Variants in TIAM1 observed in about 807,000 individuals in gnomAD.
TIAM1 encodes rho guanine nucleotide exchange factor TIAM1.
TIAM1 carries 65 observed loss-of-function variants against 163.5 expected under a neutral mutation model. The ratio of observed to expected loss-of-function variants is 0.40; its 90% CI spans 0.33 to 0.49. The LOEUF is 0.49. Among genes scored for constraint, TIAM1 ranks in the 20% least tolerant of loss-of-function variants. TIAM1 has a pLI of 0.77. For synonymous variants in TIAM1, 833 were observed against 810.1 expected (o/e 1.03, Z -0.48); for missense variants, 1,789 against 2,044.7 (o/e 0.87, Z 2.41).
intron 2 of TIAM1, among the ~76,000 whole-genome samples, chr21:31,385,685 G>A (rs375550659): frequency 6.8e-6 from 1 of 146,058 alleles, no homozygotes; most frequent in East Asian, 2.0e-4. Context: ...GCATCAATTT[G>A]TGCTTTAAAA....
At chr21:31,491,070 G>A (rs1320359942) in intron 1 of TIAM1, among the ~76,000 whole-genome samples, 1 of 152,228 alleles carries the variant, frequency 6.6e-6, no homozygotes, top group Non-Finnish European at 1.5e-5. Context: ...GTCGGAGGTT[G>A]CCGTGAGCCG....
At chr21:31,423,700 T>TAAAAAAAAAAA (rs200137644) in intron 2 of TIAM1, among the ~76,000 whole-genome samples, 1 of 48,224 alleles carries the variant, frequency 2.1e-5, no homozygotes, top group African/African-American at 8.3e-5. Context: ...TAGAAAGTTG[T>TAAAAAAAAAAA]AAAAAAAAAA....
chr21:31,448,433 C>T (rs1245766929), intron 2 of TIAM1, among the ~76,000 whole-genome samples: 1 of 152,020 alleles, frequency 6.6e-6, no homozygotes, highest in Admixed American at 6.6e-5. Context: ...GGCAAAACCC[C>T]ATCTCTATTA....
At chr21:31,380,399 T>C (rs1245647261) in intron 2 of TIAM1, among the ~76,000 whole-genome samples, 1 of 152,068 alleles carries the variant, frequency 6.6e-6, no homozygotes, top group African/African-American at 2.4e-5. Context: ...CAAAGTTAGC[T>C]GGGTGTGGTG....
intron 17 of TIAM1, 54 bp from the exon 18 acceptor site, chr21:31,153,188 C>T: frequency 1.4e-6 from 2 of 1,418,358 alleles, no homozygotes; most frequent in Non-Finnish European, 2.0e-6. Context: ...TTTATATACC[C>T]TAGAACTTAA....
chr21:31,281,613 T>C (rs368054469), intron 2 of TIAM1, among the ~76,000 whole-genome samples: 3 of 152,316 alleles, frequency 2.0e-5, no homozygotes, highest in East Asian at 3.9e-4. Flanking sequence ...CAGTCATACT[T>C]AGACCCCAAA....
intron 2 of TIAM1, among the ~76,000 whole-genome samples, chr21:31,425,413 T>G (rs1190083139): frequency 1.3e-5 from 2 of 152,070 alleles, no homozygotes; most frequent in African/African-American, 4.8e-5. Flanking sequence ...AAGAGGTAAA[T>G]GGATGGCAGC....
intron 6 of TIAM1, among the ~76,000 whole-genome samples, chr21:31,240,594 T>C (rs1390723144): frequency 2.0e-5 from 3 of 152,170 alleles, no homozygotes. Context: ...CTAAGCGACC[T>C]GTCTAGCAGG....
intron 2 of TIAM1, among the ~76,000 whole-genome samples, chr21:31,447,044 C>T (rs528397554): frequency 2.7e-4 from 41 of 152,160 alleles, no homozygotes; most frequent in Middle Eastern, 6.8e-3. Flanking sequence ...ACAATTATTA[C>T]GGCCATTGTG....
At chr21:31,171,665 T>C (rs771128789) in intron 15 of TIAM1, among the ~76,000 whole-genome samples, 1 of 152,220 alleles carries the variant, frequency 6.6e-6, no homozygotes, top group Non-Finnish European at 1.5e-5. Flanking sequence ...CAGTGATTAT[T>C]TCTTTCATCT....
At chr21:31,373,913 C>T (rs2076642533) in intron 2 of TIAM1, among the ~76,000 whole-genome samples, 1 of 152,092 alleles carries the variant, frequency 6.6e-6, no homozygotes, top group Non-Finnish European at 1.5e-5. Flanking sequence ...CTCAAAGCTG[C>T]CATCACCTAC....
At chr21:31,237,585 T>C (rs751643196) in intron 6 of TIAM1, among the ~76,000 whole-genome samples, 1 of 152,228 alleles carries the variant, frequency 6.6e-6, no homozygotes, top group Non-Finnish European at 1.5e-5. Context: ...TAATGGCATA[T>C]GAGTCTTTTA....
At chr21:31,371,631 T>C (rs994450973) in intron 2 of TIAM1, among the ~76,000 whole-genome samples, 1 of 152,202 alleles carries the variant, frequency 6.6e-6, no homozygotes, top group Non-Finnish European at 1.5e-5. Context: ...AACTAAGGGT[T>C]GAACCACTTG....
intron 1 of TIAM1, among the ~76,000 whole-genome samples, chr21:31,521,943 C>T (rs1275094346): frequency 3.9e-5 from 6 of 152,068 alleles, no homozygotes; most frequent in Admixed American, 3.3e-4. Context: ...GCCATCTCGG[C>T]TCACTGCAAG....
At chr21:31,204,418 T>C (rs967961478) in intron 11 of TIAM1, among the ~76,000 whole-genome samples, 1 of 152,198 alleles carries the variant, frequency 6.6e-6, no homozygotes, top group African/African-American at 2.4e-5. Context: ...ACAAAATAAA[T>C]ATAAAACCTC....
At chr21:31,125,031 G>C (rs1251783688) in intron 26 of TIAM1, among the ~76,000 whole-genome samples, 1 of 152,038 alleles carries the variant, frequency 6.6e-6, no homozygotes, top group African/African-American at 2.4e-5. Context: ...AAATGTTTTT[G>C]AGGGCAAATG....
At chr21:31,151,631 T>C (rs1299495686) in intron 19 of TIAM1, among the ~76,000 whole-genome samples, 2 of 152,146 alleles carry the variant, frequency 1.3e-5, no homozygotes, top group Non-Finnish European at 2.9e-5. Context: ...AATGATTATG[T>C]GCATTGTCCT....
intron 2 of TIAM1, among the ~76,000 whole-genome samples, chr21:31,338,688 G>A (rs1340494070): frequency 1.3e-5 from 2 of 152,138 alleles, no homozygotes; most frequent in African/African-American, 2.4e-5. Context: ...AGTTAACTGC[G>A]AACGTTGCAC....
intron 12 of TIAM1, 145 bp from the exon 13 acceptor site, chr21:31,195,450 A>C: frequency 1.6e-6 from 1 of 622,598 alleles, no homozygotes; most frequent in South Asian, 2.2e-5. Flanking sequence ...AAACTCATTA[A>C]AAGTAAAAAG....
Sources: gnomAD v4.1 joint callset for allele counts (sites outside exome capture counted in the v4.1 genomes callset) on GRCh38, gnomAD v4.1.1 for gene constraint, MANE v1.5 for transcripts, NCBI Gene and HGNC (gene_info 2026-07-23, HGNC 2026-07-21) for gene names.